RELN: variants seen among roughly 807,000 people sequenced by gnomAD.
RELN encodes the protein reelin.
In RELN, 108 loss-of-function variants were observed where a neutral mutation model predicts 427.6. That is an observed-to-expected ratio of 0.25 (90% CI 0.22 to 0.30). The LOEUF is 0.30. Ranked by LOEUF, RELN falls within the 10% of genes least tolerant of loss-of-function variation. The pLI is 1.00. For synonymous variants in RELN, 1,524 were observed against 1,513.4 expected (o/e 1.01, Z -0.16); for missense variants, 3,715 against 4,302.8 (o/e 0.86, Z 3.82).
chr7:103,897,936 C>T (rs1360641319), intron 2 of RELN, among the ~76,000 whole-genome samples: 1 of 152,114 alleles, frequency 6.6e-6, no homozygotes, highest in Non-Finnish European at 1.5e-5. Context: ...TAGCCTACTT[C>T]CTCCCTATTG....
At chr7:103,643,792 A>G (rs1344979831) in intron 16 of RELN, among the ~76,000 whole-genome samples, 1 of 152,026 alleles carries the variant, frequency 6.6e-6, no homozygotes, top group Non-Finnish European at 1.5e-5. Flanking sequence ...ATTCTATTAG[A>G]ATACATAGAT....
intron 2 of RELN, among the ~76,000 whole-genome samples, chr7:103,849,502 A>T (rs1354618376): frequency 6.6e-6 from 1 of 152,174 alleles, no homozygotes; most frequent in East Asian, 1.9e-4. Flanking sequence ...TGATACTCAT[A>T]TTTATAGATG....
Position 103,593,882 on chromosome 7 carries a change from T to G in RELN, c.3712A>C (p.Asn1238His), listed in dbSNP as rs114003896. The G allele has an allele frequency of 2.4e-3, 3,862 of 1,610,406 alleles. 79 individuals carry two copies. Among genetic ancestry groups the G allele is most frequent in the East Asian group, 4.8e-3 (215 of 44,794 alleles). Residue 1238 changes from asparagine (N) to histidine (H), a missense_variant and splice_region_variant, in exon 27 of 65, where the codon AAC becomes CAC. Transcript: ENST00000428762. ...TCAAAAGCTGGCTTCTCATAAAAGT[T>G]CTAATAGAAACAATACAAATAAAAC... is the stretch of plus-strand genomic sequence containing the variant. ...IPVINPTLPQ[N>H]FYEKPAFDYP...
At chr7:103,669,555 G>T (rs189020238) in intron 11 of RELN, among the ~76,000 whole-genome samples, 2 of 151,952 alleles carry the variant, frequency 1.3e-5, no homozygotes, top group Non-Finnish European at 2.9e-5. Flanking sequence ...GTCATTTCCT[G>T]TTACAAAAAT....
At chr7:103,849,435 G>C (rs1793761003) in intron 2 of RELN, among the ~76,000 whole-genome samples, 2 of 152,112 alleles carry the variant, frequency 1.3e-5, no homozygotes, top group South Asian at 4.1e-4. Flanking sequence ...TGTTTCCTCA[G>C]GGAAATTCTC....
chr7:103,892,913 G>C (rs1794881107), intron 2 of RELN, among the ~76,000 whole-genome samples: 1 of 152,060 alleles, frequency 6.6e-6, no homozygotes, highest in African/African-American at 2.4e-5. Flanking sequence ...CAGGAAAGCT[G>C]ACGGCTTAGC....
intron 29 of RELN, 141 bp from the exon 30 acceptor site, chr7:103,574,440 C>G (rs1830952603): frequency 1.3e-6 from 1 of 741,096 alleles, no homozygotes; most frequent in Non-Finnish European, 2.4e-6. Context: ...TATCTCACAA[C>G]TGTCGGTCTG....
intron 6 of RELN, among the ~76,000 whole-genome samples, chr7:103,730,329 C>T (rs1584442417): frequency 6.6e-6 from 1 of 151,868 alleles, no homozygotes; most frequent in African/African-American, 2.4e-5. Context: ...TTACAAGCCC[C>T]CTCCTTCCAT....
At chr7:103,703,656 C>G (rs1197323654) in intron 8 of RELN, among the ~76,000 whole-genome samples, 1 of 152,180 alleles carries the variant, frequency 6.6e-6, no homozygotes, top group Non-Finnish European at 1.5e-5. Context: ...AAAGGAAGGA[C>G]AATTTCAAAT....
At chr7:103,790,256 C>G (rs893920632) in intron 3 of RELN, among the ~76,000 whole-genome samples, 3 of 152,002 alleles carry the variant, frequency 2.0e-5, no homozygotes, top group Non-Finnish European at 2.9e-5. Flanking sequence ...ACGAGTGCAG[C>G]AAACCACCAT....
At chr7:103,493,141 T>C (rs889827038) in intron 57 of RELN, among the ~76,000 whole-genome samples, 3 of 152,100 alleles carry the variant, frequency 2.0e-5, no homozygotes, top group Non-Finnish European at 4.4e-5. Context: ...CAAAGACAGA[T>C]AGGAGTGGAG....
intron 62 of RELN, 84 bp from the exon 63 acceptor site, chr7:103,483,055 T>C: frequency 9.9e-7 from 1 of 1,012,302 alleles, no homozygotes; most frequent in East Asian, 2.4e-5. Context: ...TCAAATATTA[T>C]AATAGGCTAA....
intron 2 of RELN, among the ~76,000 whole-genome samples, chr7:103,839,012 G>T (rs754227580): frequency 6.6e-6 from 1 of 152,160 alleles, no homozygotes; most frequent in Non-Finnish European, 1.5e-5. Context: ...TATGGTATGG[G>T]TATTGAGATT....
At chr7:103,765,789 T>A (rs955551955) in intron 4 of RELN, among the ~76,000 whole-genome samples, 2 of 152,166 alleles carry the variant, frequency 1.3e-5, no homozygotes, top group African/African-American at 4.8e-5. Context: ...GTAAAATCCT[T>A]CTTGGGCATA....
intron 1 of RELN, among the ~76,000 whole-genome samples, chr7:103,955,124 A>G (rs1796407654): frequency 6.6e-6 from 1 of 152,208 alleles, no homozygotes; most frequent in Non-Finnish European, 1.5e-5. Context: ...TTCAAATAGC[A>G]TATTATTTAC....
intron 46 of RELN, 96 bp downstream of exon 46, chr7:103,535,220 C>G (rs1830022041): frequency 8.5e-7 from 1 of 1,178,538 alleles, no homozygotes; most frequent in Non-Finnish European, 1.3e-6. Context: ...TTAACAAAAC[C>G]CTCACATATC....
chr7:103,964,848 A>G (rs1401961712), intron 1 of RELN, among the ~76,000 whole-genome samples: 3 of 152,174 alleles, frequency 2.0e-5, no homozygotes, highest in African/African-American at 7.2e-5. Flanking sequence ...CCACACAAAT[A>G]CAGTCAGGGA....
intron 1 of RELN, among the ~76,000 whole-genome samples, chr7:103,939,022 A>G (rs1427413963): frequency 7.9e-5 from 12 of 151,872 alleles, no homozygotes; most frequent in East Asian, 3.9e-4. Context: ...TCTCGGCTCA[A>G]TGCAACCTCT....
chr7:103,755,586 G>C (rs1046819333), intron 4 of RELN, among the ~76,000 whole-genome samples: 11 of 147,962 alleles, frequency 7.4e-5, no homozygotes, highest in African/African-American at 2.3e-4. Flanking sequence ...CCAGCCTGGG[G>C]GACAGAGCGA....
Sources: allele counts gnomAD v4.1 joint callset (sites outside exome capture counted in the v4.1 genomes callset), GRCh38; gene constraint gnomAD v4.1.1; transcripts MANE v1.5; gene names NCBI Gene and HGNC (gene_info 2026-07-23, HGNC 2026-07-21).